The following MEI4 variants were observed in gnomAD, a reference collection of about 807,000 sequenced individuals.
MEI4 encodes the protein meiosis-specific protein MEI4.
In MEI4, 27 loss-of-function variants were observed where a neutral mutation model predicts 31.4. The ratio of observed to expected loss-of-function variants is 0.86; its 90% confidence interval spans 0.63 to 1.19. MEI4 has a LOEUF of 1.19. MEI4 is among the 50% of genes most tolerant of loss of function. MEI4 has a pLI of 0.00. For synonymous variants in MEI4, 122 were observed against 145.4 expected (o/e 0.84, Z 1.16); for missense variants, 329 against 398.9 (o/e 0.82, Z 1.49).
chr6:77,765,691 A>G (rs556344533), intron 3 of MEI4, among the ~76,000 whole-genome samples: 7 of 150,838 alleles, frequency 4.6e-5, no homozygotes, highest in Non-Finnish European at 8.9e-5. Context: ...TACTGGGTAT[A>G]TACCCAAAGG....
At chr6:77,806,530 G>C (rs1172597059) in intron 3 of MEI4, among the ~76,000 whole-genome samples, 1 of 152,120 alleles carries the variant, frequency 6.6e-6, no homozygotes, top group African/African-American at 2.4e-5. Flanking sequence ...TATAGGGAAA[G>C]TTTTATATAT....
intron 4 of MEI4, among the ~76,000 whole-genome samples, chr6:77,885,083 T>G (rs965105012): frequency 7.0e-6 from 1 of 143,348 alleles, no homozygotes; most frequent in Non-Finnish European, 1.6e-5. Flanking sequence ...TATGGTTAGA[T>G]TTATACCTAG....
intron 1 of MEI4, among the ~76,000 whole-genome samples, chr6:77,659,557 A>C (rs949201953): frequency 2.0e-5 from 3 of 152,138 alleles, no homozygotes; most frequent in Admixed American, 6.6e-5. Flanking sequence ...TTGAGTATCT[A>C]CGAGCAACCT....
intron 4 of MEI4, among the ~76,000 whole-genome samples, chr6:77,906,066 AT>A (rs1766289926): frequency 6.6e-6 from 1 of 151,888 alleles, no homozygotes; most frequent in Non-Finnish European, 1.5e-5. Context: ...AAAATTTATC[AT>A]TTTTTAATTG....
At chr6:77,823,885 G>A (rs531555198) in intron 3 of MEI4, among the ~76,000 whole-genome samples, 29 of 146,010 alleles carry the variant, frequency 2.0e-4, no homozygotes, top group Non-Finnish European at 9.0e-5. Flanking sequence ...TGTCCAGCTT[G>A]CTTACAGTGC....
intron 2 of MEI4, among the ~76,000 whole-genome samples, chr6:77,743,072 T>C (rs1438158889): frequency 6.6e-6 from 1 of 152,142 alleles, no homozygotes; most frequent in Non-Finnish European, 1.5e-5. Flanking sequence ...CCAGCTTTGT[T>C]CTTTTGGCTT....
In MEI4 at chr6:77,782,849, A is replaced by T. The variant is rs73760048; in HGVS notation, c.768+21184A>T. 8.8e-3 allele frequency among the ~76,000 whole-genome samples: 1,345 copies of T among 152,316 alleles called. 14 individuals carry two copies. The highest frequency in any genetic ancestry group is 0.028 in the African/African-American group (1,183 of 41,566). Reference sequence around the variant, plus strand: ...GCAAAATAATTTATTATTTTCAATCAAAGTCCTATCAACTTCAAATCTAGA... The same window carrying T: ...GCAAAATAATTTATTATTTTCAATCTAAGTCCTATCAACTTCAAATCTAGA... On this transcript the variant is annotated intron_variant, in intron 3 of 4. Transcript: ENST00000684080.
rs1181167057 is a variant in MEI4, at chr6:77,924,381, A to G, written c.*1035A>G. 1 of 151,898 alleles carries G rather than the reference A, an allele frequency of 6.6e-6. No individual in the cohort carries two copies. The highest frequency in any genetic ancestry group is 1.5e-5 in the Non-Finnish European group (1 of 67,906). The allele number at this position is 151,898 out of a possible 1,614,324, so 9.4% of individuals were successfully genotyped here. On this transcript the variant is annotated 3_prime_UTR_variant, in exon 5 of 5. Transcript: ENST00000684080. ...TCTGGCACAAACAATTATCTTTGGA[A>G]TTATTTCTAGCATTTTTGAAAAGAT...
At chr6:77,816,787 T>G (rs1233596157) in intron 3 of MEI4, among the ~76,000 whole-genome samples, 4 of 152,300 alleles carry the variant, frequency 2.6e-5, no homozygotes, top group African/African-American at 9.6e-5. Flanking sequence ...TACTTTTGCT[T>G]TTTAAAGTAG....
At chr6:77,864,479 A>T (rs999197662) in intron 4 of MEI4, among the ~76,000 whole-genome samples, 6 of 152,328 alleles carry the variant, frequency 3.9e-5, no homozygotes, top group Admixed American at 2.0e-4. Context: ...CAAAAGAGAC[A>T]AAGAAGGCCA....
intron 3 of MEI4, among the ~76,000 whole-genome samples, chr6:77,798,243 A>T (rs755117502): frequency 5.9e-4 from 90 of 151,582 alleles, no homozygotes; most frequent in Non-Finnish European, 1.3e-3. Flanking sequence ...GGAAGAGTGG[A>T]ATAAAAAATA....
chr6:77,672,759 C>T (rs1042517814), intron 1 of MEI4, among the ~76,000 whole-genome samples: 14 of 152,212 alleles, frequency 9.2e-5, no homozygotes, highest in African/African-American at 2.4e-4. Flanking sequence ...AGACTGGTCT[C>T]GAACTCCTGA....
intron 2 of MEI4, among the ~76,000 whole-genome samples, chr6:77,696,994 G>A (rs1766066281): frequency 6.6e-6 from 1 of 152,136 alleles, no homozygotes; most frequent in Non-Finnish European, 1.5e-5. Context: ...TTTAGTCTTG[G>A]GAGAGTGTAT....
At chr6:77,834,881 T>C (rs1308047637) in intron 4 of MEI4, among the ~76,000 whole-genome samples, 1 of 152,120 alleles carries the variant, frequency 6.6e-6, no homozygotes, top group East Asian at 1.9e-4. Flanking sequence ...CTTAAGCCCA[T>C]ATAAGTAAAC....
At chr6:77,832,437 G>A (rs1340843728) in intron 4 of MEI4, among the ~76,000 whole-genome samples, 1 of 151,936 alleles carries the variant, frequency 6.6e-6, no homozygotes, top group Non-Finnish European at 1.5e-5. Context: ...GTTTAATAAA[G>A]ATTAATGGAG....
intron 2 of MEI4, among the ~76,000 whole-genome samples, chr6:77,739,440 G>T (rs942528945): frequency 2.0e-5 from 3 of 152,128 alleles, no homozygotes; most frequent in Non-Finnish European, 4.4e-5. Context: ...GGATGAACCT[G>T]GAAGCTGTCA....
chr6:77,843,266 TA>T (rs1240259238), intron 4 of MEI4, among the ~76,000 whole-genome samples: 1 of 151,980 alleles, frequency 6.6e-6, no homozygotes, highest in Non-Finnish European at 1.5e-5. Context: ...AGGCAAATTA[TA>T]TAAAATTTCA....
intron 4 of MEI4, among the ~76,000 whole-genome samples, chr6:77,920,452 ACCG>A (rs1343412517): frequency 6.6e-6 from 1 of 151,912 alleles, no homozygotes; most frequent in Non-Finnish European, 1.5e-5. Context: ...TGCTATTTTC[ACCG>A]CATCTGCAGT....
chr6:77,865,449 A>G (rs1298122549), intron 4 of MEI4, among the ~76,000 whole-genome samples: 1 of 152,192 alleles, frequency 6.6e-6, no homozygotes, highest in Admixed American at 6.5e-5. Context: ...TACTATAAAC[A>G]CTTCTACGCA....
Sources: allele counts gnomAD v4.1 joint callset (sites outside exome capture counted in the v4.1 genomes callset), GRCh38; gene constraint gnomAD v4.1.1; transcripts MANE v1.5; gene names NCBI Gene and HGNC (gene_info 2026-07-23, HGNC 2026-07-21).